Variants in RSPH9 observed in about 807,000 individuals in gnomAD.
RSPH9 encodes radial spoke head protein 9 homolog.
Under a neutral mutation model 27.0 loss-of-function variants are expected in RSPH9, and 27 were observed. That is an observed-to-expected ratio of 1.00 (90% CI 0.74 to 1.38). The LOEUF is 1.38. Among genes scored for constraint, RSPH9 ranks in the 40% most tolerant of loss-of-function variants. The pLI is 0.00. For synonymous variants in RSPH9, 145 were observed against 147.7 expected, an observed-to-expected ratio of 0.98 and a Z score of 0.13; for missense variants, 347 against 357.4, an observed-to-expected ratio of 0.97 and a Z score of 0.24.
intron 2 of RSPH9, among the ~76,000 whole-genome samples, chr6:43,654,696 G>A (rs1378158550): frequency 1.3e-5 from 2 of 152,144 alleles, no homozygotes; most frequent in African/African-American, 4.8e-5. Context: ...AGTGATGCAC[G>A]CCTGTAGTCC....
intron 2 of RSPH9, among the ~76,000 whole-genome samples, chr6:43,651,927 G>A (rs1389954119): frequency 6.6e-6 from 1 of 152,104 alleles, no homozygotes; most frequent in Non-Finnish European, 1.5e-5. Flanking sequence ...TCCAAGTAGA[G>A]TCTGGATCAG....
At chr6:43,656,187 G>A (rs1772032127) in intron 3 of RSPH9, among the ~76,000 whole-genome samples, 1 of 150,322 alleles carries the variant, frequency 6.7e-6, no homozygotes, top group Non-Finnish European at 1.5e-5. Context: ...CTGGGTTCAA[G>A]CGATTCTCCT....
rs370825982 is a variant in RSPH9 at position 43,655,540 on chromosome 6, G to A, written c.394-22G>A. The A allele has an allele frequency of 1.9e-6, 3 of 1,613,930 alleles. No homozygotes were observed. In the African/African-American group the frequency reaches 4.0e-5, roughly 22 times the overall value. On this transcript the variant is annotated intron_variant, in intron 2 of 4. Transcript: ENST00000372163. ...CCTGGGCACAGTGCCCTGGCAGGGG[G>A]GCTCCTCTCCTGTCTCCTCAGGTCC...
intron 4 of RSPH9, among the ~76,000 whole-genome samples, chr6:43,659,736 T>C (rs1772415967): frequency 6.6e-6 from 1 of 150,958 alleles, no homozygotes; most frequent in South Asian, 2.1e-4. Flanking sequence ...TATTTATTAT[T>C]ATTATTATTT....
chr6:43,671,048 C>A lies in RSPH9; in HGVS notation c.*99C>A. The A allele has an allele frequency of 7.0e-7, 1 of 1,434,668 alleles. No homozygotes were observed. The highest frequency in any genetic ancestry group is 9.7e-7 in the Non-Finnish European group (1 of 1,036,010). The allele number at this position is 1,434,668 out of a possible 1,614,324, so 88.9% of individuals were successfully genotyped here. Reference sequence around the variant, plus strand: ...CCTGTTCTGTCCTATCTTCTTAACTCCACCTCCGTCTGGTTCCAGATTCTG... The same window carrying A: ...CCTGTTCTGTCCTATCTTCTTAACTACACCTCCGTCTGGTTCCAGATTCTG... On this transcript the variant is annotated 3_prime_UTR_variant, in exon 5 of 5. Coordinates refer to ENST00000372163, the MANE Select transcript of RSPH9 (RefSeq NM_152732.5).
At chr6:43,652,328 T>C (rs1771564100) in intron 2 of RSPH9, among the ~76,000 whole-genome samples, 1 of 149,412 alleles carries the variant, frequency 6.7e-6, no homozygotes. Context: ...GAAAAAAAAA[T>C]GGCAGCATGT....
At chr6:43,666,805 C>T (rs551976312) in intron 4 of RSPH9, among the ~76,000 whole-genome samples, 3 of 152,274 alleles carry the variant, frequency 2.0e-5, no homozygotes, top group South Asian at 4.1e-4. Flanking sequence ...GACAGAGTCT[C>T]GCTGGAACCT....
Position 43,671,300 on chromosome 6 carries a change from G to C in RSPH9, c.*351G>C. On this transcript the variant is annotated 3_prime_UTR_variant, in exon 5 of 5. Coordinates refer to ENST00000372163, the MANE Select transcript of RSPH9 (RefSeq NM_152732.5). Reference sequence around the variant, plus strand: ...GCTCTCCCACAGTAAGGAGCTCACAGCTGTCATGAAGAGGATGGGACCTGT... The same window carrying C: ...GCTCTCCCACAGTAAGGAGCTCACACCTGTCATGAAGAGGATGGGACCTGT... 1 of 457,090 alleles carries C rather than the reference G, an allele frequency of 2.2e-6. No individual in the cohort carries two copies. Among genetic ancestry groups the C allele is most frequent in the Non-Finnish European group, 4.0e-6 (1 of 250,194 alleles). The allele number at this position is 457,090 out of a possible 1,614,324, so 28.3% of individuals were successfully genotyped here. A position where few individuals can be genotyped will look rare whatever the true frequency, so the allele number is the denominator to read the frequency against.
At chr6:43,654,764 A>G (rs1771836743) in intron 2 of RSPH9, among the ~76,000 whole-genome samples, 1 of 152,214 alleles carries the variant, frequency 6.6e-6, no homozygotes, top group Admixed American at 6.6e-5. Context: ...TAGGGATTGC[A>G]GTGAGCTGAG....
intron 1 of RSPH9, 102 bp downstream of exon 1, chr6:43,645,427 A>C (rs1460485704): frequency 2.0e-6 from 2 of 1,006,472 alleles, no homozygotes; most frequent in Admixed American, 4.1e-5. Context: ...CCATGGGGCC[A>C]AGGGAGGTGT....
Position 43,667,502 on chromosome 6 carries a change from C to T in RSPH9, c.671-3287C>T, listed in dbSNP as rs183572481. Among the ~76,000 whole-genome samples, 213 of 152,278 alleles carry T rather than the reference C, an allele frequency of 1.4e-3. 4 individuals carry two copies. The highest frequency in any genetic ancestry group is 0.013 in the Admixed American group (206 of 15,292). On this transcript the variant is annotated intron_variant, in intron 4 of 4. Transcript: ENST00000372163. ...AGGACCGGGAAGGGGGCGAGTGAGG[C>T]GGGCATGGGCGCGGGGGGGAACATG...
At chr6:43,649,258 C>T (rs567561976) in intron 1 of RSPH9, among the ~76,000 whole-genome samples, 9 of 149,806 alleles carry the variant, frequency 6.0e-5, no homozygotes, top group African/African-American at 4.9e-5. Flanking sequence ...GGTGTGATCT[C>T]GGCTCACTGC....
At chr6:43,665,211 GC>G (rs2127926907) in intron 4 of RSPH9, among the ~76,000 whole-genome samples, 1 of 152,346 alleles carries the variant, frequency 6.6e-6, no homozygotes, top group Admixed American at 6.5e-5. Flanking sequence ...GTGGGGCCCA[GC>G]AAAGTCTTCC....
At chr6:43,653,105 C>A (rs1346947726) in intron 2 of RSPH9, among the ~76,000 whole-genome samples, 2 of 152,148 alleles carry the variant, frequency 1.3e-5, no homozygotes, top group Non-Finnish European at 2.9e-5. Flanking sequence ...TAGGCATGAG[C>A]CATTTCATCC....
At chr6:43,659,447 A>T (rs1772382735) in intron 4 of RSPH9, among the ~76,000 whole-genome samples, 1 of 148,160 alleles carries the variant, frequency 6.7e-6, no homozygotes, top group African/African-American at 2.5e-5. Context: ...CAGTGGTGCG[A>T]TCTCGGCTCA....
intron 1 of RSPH9, among the ~76,000 whole-genome samples, chr6:43,650,102 C>T (rs569364243): frequency 2.8e-4 from 42 of 152,174 alleles, no homozygotes; most frequent in Admixed American, 1.0e-3. Context: ...TTAGTAGAGA[C>T]GGGGTTTCAC....
chr6:43,650,261 TG>T, intron 1 of RSPH9, 113 bp from the exon 2 acceptor site: 1 of 1,225,296 alleles, frequency 8.2e-7, no homozygotes, highest in Non-Finnish European at 1.2e-6. Context: ...GGAGGAAAGG[TG>T]GCCATTTCAA....
chr6:43,654,237 T>G (rs1254389594), intron 2 of RSPH9, among the ~76,000 whole-genome samples: 1 of 152,214 alleles, frequency 6.6e-6, no homozygotes, highest in Non-Finnish European at 1.5e-5. Flanking sequence ...ACAAAATCTC[T>G]ATGAAATCCT....
intron 4 of RSPH9, among the ~76,000 whole-genome samples, chr6:43,657,104 G>A (rs931027672): frequency 1.3e-5 from 2 of 152,154 alleles, no homozygotes; most frequent in Admixed American, 1.3e-4. Flanking sequence ...TATAATGCTT[G>A]GCCCATAGCT....
Sources: gnomAD v4.1 joint callset for allele counts (sites outside exome capture counted in the v4.1 genomes callset) on GRCh38, gnomAD v4.1.1 for gene constraint, MANE v1.5 for transcripts, NCBI Gene and HGNC (gene_info 2026-07-23, HGNC 2026-07-21) for gene names.